Variants in PELO observed in about 807,000 individuals in gnomAD.
PELO encodes protein pelota homolog.
A neutral mutation model predicts 25.9 loss-of-function variants in PELO; 19 were observed. The ratio of observed to expected loss-of-function variants is 0.73; its 90% confidence interval spans 0.51 to 1.08. The LOEUF is 1.08. Ranked by LOEUF, PELO falls within the 50% of genes least tolerant of loss-of-function variation. PELO has a pLI of 0.00. For missense variants in PELO, 498 were observed against 491.4 expected (o/e 1.01, Z -0.13); for synonymous variants, 196 against 192.2 (o/e 1.02, Z -0.16).
Position 52,799,618 on chromosome 5 carries a change from T to C in PELO, c.-510-267T>C, listed in dbSNP as rs550876277. Among the ~76,000 whole-genome samples, 6 of 152,244 alleles carry C rather than the reference T, an allele frequency of 3.9e-5. No homozygotes were observed. The South Asian group carries it at 1.2e-3, about 32-fold the overall frequency. ...AGGCGCAGAAAACAGCTGGACACGT[T>C]GCTGGGAGCCCAGACAGAACGTGAC... On this transcript the variant is annotated intron_variant, in intron 1 of 2. Coordinates refer to ENST00000274311, the MANE Select transcript of PELO (RefSeq NM_015946.5).
At position 52,803,822 on chromosome 5, in the gene PELO, A is replaced by G. The variant is rs1456287738; in HGVS notation, c.*1982A>G. ...GCGCTACCTGTACCAACATCTCTAG[A>G]TGATTCCTGTGCATAATAAAATCTG... is the stretch of plus-strand genomic sequence containing the variant. On this transcript the variant is annotated 3_prime_UTR_variant, in exon 3 of 3. Transcript: ENST00000274311. 2 of 152,176 alleles carry G rather than the reference A, an allele frequency of 1.3e-5. No homozygotes were observed. The highest frequency in any genetic ancestry group is 2.4e-5 in the African/African-American group (1 of 41,434). The allele number at this position is 152,176 out of a possible 1,614,324, so 9.4% of individuals were successfully genotyped here.
intron 1 of PELO, among the ~76,000 whole-genome samples, chr5:52,790,327 C>G (rs561810091): frequency 1.3e-5 from 2 of 152,310 alleles, no homozygotes; most frequent in African/African-American, 4.8e-5. Context: ...ATCCAACACC[C>G]TCTCTCTATC....
At position 52,800,484 on chromosome 5, in the gene PELO, C is replaced by A; in HGVS notation, c.90C>A (p.Tyr30Ter). 6.2e-7 allele frequency: 1 copy of A among 1,614,128 alleles called. No individual in the cohort carries two copies. The highest frequency in any genetic ancestry group is 8.5e-7 in the Non-Finnish European group (1 of 1,180,034). ...AGCCTGAGGACATGTGGCACACTTA[C>A]AACCTCGTGCAGGTGGGCGACAGCC... Reference protein sequence around the residue: ...PEEPEDMWHTYNLVQVGDSLR... With the variant: ...PEEPEDMWHT The change falls in exon 2 of 3, where the codon TAC (tyrosine) becomes TAA (stop). Residue 30 changes from tyrosine to a stop codon, truncating the protein, a stop_gained. Coordinates refer to ENST00000274311, the MANE Select transcript of PELO (RefSeq NM_015946.5). LOFTEE classifies it high-confidence loss of function.
intron 1 of PELO, among the ~76,000 whole-genome samples, chr5:52,792,120 G>A (rs1485623808): frequency 3.3e-5 from 5 of 152,064 alleles, no homozygotes; most frequent in Non-Finnish European, 5.9e-5. Flanking sequence ...ACTATTTCTC[G>A]TTATTAAGAA....
At chr5:52,796,353 G>A (rs1190269635) in intron 1 of PELO, among the ~76,000 whole-genome samples, 5 of 151,772 alleles carry the variant, frequency 3.3e-5, no homozygotes, top group Non-Finnish European at 7.4e-5. Flanking sequence ...ATAAGACATT[G>A]TAGGGAAAAT....
chr5:52,796,574 A>G (rs1005123315), intron 1 of PELO, among the ~76,000 whole-genome samples: 2 of 152,038 alleles, frequency 1.3e-5, no homozygotes, highest in African/African-American at 2.4e-5. Context: ...TACCATTATT[A>G]AGTGAAATAC....
At chr5:52,797,697 G>C (rs1276597800) in intron 1 of PELO, among the ~76,000 whole-genome samples, 1 of 152,186 alleles carries the variant, frequency 6.6e-6, no homozygotes, top group East Asian at 1.9e-4. Flanking sequence ...AGTAGAAAGA[G>C]AGGGTATGGA....
rs1472658128 is a variant in PELO at position 52,800,112 on chromosome 5, G to A, written c.-283G>A. The A allele has an allele frequency of 2.5e-6, 1 of 397,726 alleles. No homozygotes were observed. Among genetic ancestry groups the A allele is most frequent in the South Asian group, 3.0e-5 (1 of 33,158 alleles). The allele number at this position is 397,726 out of a possible 1,614,324, so 24.6% of individuals were successfully genotyped here. ...TGCGCCTTCATTTCGTCAGCCCGCT[G>A]TTGCGTGCTGCCAGCGGGAACTGTG... On this transcript the variant is annotated 5_prime_UTR_variant, in exon 2 of 3. Transcript: ENST00000274311.
In PELO at chr5:52,802,700, T is replaced by G. The variant is rs2111668810; in HGVS notation, c.*860T>G. 1 of 152,334 alleles carries G rather than the reference T, an allele frequency of 6.6e-6. No individual in the cohort carries two copies. The highest frequency in any genetic ancestry group is 1.9e-4 in the East Asian group (1 of 5,186). The allele number at this position is 152,334 out of a possible 1,614,324, so 9.4% of individuals were successfully genotyped here. On this transcript the variant is annotated 3_prime_UTR_variant, in exon 3 of 3. Transcript: ENST00000274311. ...ATGCTATATTATTTATTTATTTTTT[T>G]GCTTGTCAAAGTTATACTTAATTCT... is the stretch of plus-strand genomic sequence containing the variant.
chr5:52,799,144 C>T (rs1406930344), intron 1 of PELO, among the ~76,000 whole-genome samples: 1 of 152,152 alleles, frequency 6.6e-6, no homozygotes, highest in Non-Finnish European at 1.5e-5. Flanking sequence ...CTCTGCCCTC[C>T]ACTCCATCTA....
chr5:52,796,025 GAAAACA>G (rs1748334918), intron 1 of PELO, among the ~76,000 whole-genome samples: 1 of 151,890 alleles, frequency 6.6e-6, no homozygotes, highest in Non-Finnish European at 1.5e-5. Flanking sequence ...ACGCAAAATT[GAAAACA>G]AATATGTTAG....
Position 52,802,863 on chromosome 5 carries a change from A to G in PELO, c.*1023A>G, listed in dbSNP as rs1580031576. The G allele has an allele frequency of 1.3e-5, 2 of 152,174 alleles. No individual in the cohort carries two copies. Among genetic ancestry groups the G allele is most frequent in the Non-Finnish European group, 2.9e-5 (2 of 68,026 alleles). 9.4% of individuals were successfully genotyped at this position (152,174 alleles called of 1,614,324 possible). A position where few individuals can be genotyped will look rare whatever the true frequency, so the allele number is the denominator to read the frequency against. On this transcript the variant is annotated 3_prime_UTR_variant, in exon 3 of 3. Transcript: ENST00000274311. ...GACTTAAACTCCAATACTCTTTACT[A>G]TCATTGACTTAAACTCTGATACTCT...
Position 52,802,854 on chromosome 5 carries a change from C to G in PELO, c.*1014C>G, listed in dbSNP as rs961795892. ...GTGGCAGTTGACTTAAACTCCAATACTCTTTACTATCATTGACTTAAACTC... is the reference window on the plus strand; with the variant it reads ...GTGGCAGTTGACTTAAACTCCAATAGTCTTTACTATCATTGACTTAAACTC... On this transcript the variant is annotated 3_prime_UTR_variant, in exon 3 of 3. Transcript: ENST00000274311. 6.6e-6 allele frequency: 1 copy of G among 152,164 alleles called. No homozygotes were observed. The highest frequency in any genetic ancestry group is 2.4e-5 in the African/African-American group (1 of 41,442). The allele number at this position is 152,164 out of a possible 1,614,324, so 9.4% of individuals were successfully genotyped here. A position where few individuals can be genotyped will look rare whatever the true frequency, so the allele number is the denominator to read the frequency against.
Position 52,800,302 on chromosome 5 carries a change from C to T in PELO, c.-93C>T. 7.0e-7 allele frequency: 1 copy of T among 1,429,626 alleles called. No individual in the cohort carries two copies. Among genetic ancestry groups the T allele is most frequent in the Non-Finnish European group, 9.6e-7 (1 of 1,037,642 alleles). The allele number at this position is 1,429,626 out of a possible 1,614,324, so 88.6% of individuals were successfully genotyped here. A position where few individuals can be genotyped will look rare whatever the true frequency, so the allele number is the denominator to read the frequency against. On this transcript the variant is annotated 5_prime_UTR_variant, in exon 2 of 3. Transcript: ENST00000274311. ...TGCCCTTAGAAACCGGGCCCCGCCC[C>T]CTTCCTGGCCTGCATTCCCATCCCC...
chr5:52,788,129 A>G lies in PELO; in HGVS notation c.-796A>G. 1 of 433,852 alleles carries G rather than the reference A, an allele frequency of 2.3e-6. No individual in the cohort carries two copies. Among genetic ancestry groups the G allele is most frequent in the Non-Finnish European group, 4.1e-6 (1 of 243,860 alleles). The allele number at this position is 433,852 out of a possible 1,614,324, so 26.9% of individuals were successfully genotyped here. A position where few individuals can be genotyped will look rare whatever the true frequency, so the allele number is the denominator to read the frequency against. Reference sequence around the variant, plus strand: ...GACCAAGAGCGCGAAGGGGCGGGCGATGTGGCAATCCGTCTGGGATGTGAA... The same window carrying G: ...GACCAAGAGCGCGAAGGGGCGGGCGGTGTGGCAATCCGTCTGGGATGTGAA... On this transcript the variant is annotated 5_prime_UTR_variant, in exon 1 of 3. It removes an upstream start codon present in the reference 5' UTR. Transcript: ENST00000274311.
intron 1 of PELO, among the ~76,000 whole-genome samples, chr5:52,799,617 T>C (rs2111658607): frequency 6.6e-6 from 1 of 152,330 alleles, no homozygotes; most frequent in South Asian, 2.1e-4. Context: ...GCTGGACACG[T>C]TGCTGGGAGC....
intron 1 of PELO, among the ~76,000 whole-genome samples, chr5:52,792,425 G>C (rs1250599478): frequency 3.9e-5 from 6 of 152,150 alleles, no homozygotes; most frequent in African/African-American, 1.4e-4. Flanking sequence ...ATTTTTGTTT[G>C]TTTAGTAAAC....
chr5:52,789,055 G>A lies in PELO; in HGVS notation c.-511+641G>A, dbSNP rs185927612. 2.2e-3 allele frequency among the ~76,000 whole-genome samples: 333 copies of A among 152,322 alleles called. 2 individuals are homozygous for A. Among genetic ancestry groups the A allele is most frequent in the African/African-American group, 7.9e-3 (328 of 41,568 alleles). The stretch of plus-strand genomic sequence containing the variant: ...GTCTACTTTTAAGATGCAAAATATA[G>A]TATTGTTATTTGTACATAAATGTGT... On this transcript the variant is annotated intron_variant, in intron 1 of 2. Transcript: ENST00000274311.
intron 1 of PELO, among the ~76,000 whole-genome samples, chr5:52,799,166 A>C (rs778977179): frequency 6.6e-6 from 1 of 152,174 alleles, no homozygotes; most frequent in Non-Finnish European, 1.5e-5. Context: ...GCTCTCAAGA[A>C]ACTTTTAGAT....
Sources: allele counts gnomAD v4.1 joint callset (sites outside exome capture counted in the v4.1 genomes callset), GRCh38; gene constraint gnomAD v4.1.1; transcripts MANE v1.5; gene names NCBI Gene and HGNC (gene_info 2026-07-23, HGNC 2026-07-21).